Variants in MTHFD1L observed in about 807,000 individuals in gnomAD.
MTHFD1L encodes monofunctional C1-tetrahydrofolate synthase, mitochondrial.
In MTHFD1L, 81 loss-of-function variants were observed where a neutral mutation model predicts 119.5. The observed-to-expected ratio is 0.68, with a 90% CI of 0.57 to 0.82. The LOEUF (loss-of-function observed/expected upper bound fraction) is 0.82. Among genes scored for constraint, MTHFD1L ranks in the 40% least tolerant of loss-of-function variants. The probability of loss-of-function intolerance (pLI) is 0.00; values close to 1 mark genes in which losing one functional copy is unlikely to be tolerated. For missense variants in MTHFD1L, 1,125 were observed against 1,253.4 expected (o/e 0.90, Z 1.55); for synonymous variants, 430 against 475.2 (o/e 0.90, Z 1.24).
At chr6:151,050,651 C>A (rs1298059084) in intron 26 of MTHFD1L, among the ~76,000 whole-genome samples, 3 of 152,104 alleles carry the variant, frequency 2.0e-5, no homozygotes, top group Admixed American at 2.0e-4. Flanking sequence ...CCTGTGGGAT[C>A]TGACACTATC....
At chr6:150,966,494 A>G (rs1329272281) in intron 19 of MTHFD1L, among the ~76,000 whole-genome samples, 1 of 152,180 alleles carries the variant, frequency 6.6e-6, no homozygotes, top group African/African-American at 2.4e-5. Flanking sequence ...GGGTGGGGAC[A>G]CAGAGCCAAA....
intron 14 of MTHFD1L, 83 bp from the exon 15 acceptor site, chr6:150,945,384 G>C: frequency 2.7e-6 from 3 of 1,109,118 alleles, no homozygotes; most frequent in Non-Finnish European, 4.0e-6. Flanking sequence ...TAAATGCAAT[G>C]AATTTTTGTC....
intron 8 of MTHFD1L, among the ~76,000 whole-genome samples, chr6:150,910,587 A>C (rs1786717921): frequency 6.6e-6 from 1 of 152,058 alleles, no homozygotes; most frequent in South Asian, 2.1e-4. Flanking sequence ...TCTTAATTGC[A>C]TTGCACTTAC....
chr6:150,896,878 G>A (rs1784317266), intron 7 of MTHFD1L, among the ~76,000 whole-genome samples: 1 of 152,082 alleles, frequency 6.6e-6, no homozygotes, highest in Non-Finnish European at 1.5e-5. Flanking sequence ...GGAGGCCGAG[G>A]CAGGTGGATC....
At chr6:150,980,368 A>G (rs1777274151) in intron 20 of MTHFD1L, among the ~76,000 whole-genome samples, 1 of 151,704 alleles carries the variant, frequency 6.6e-6, no homozygotes, top group African/African-American at 2.4e-5. Flanking sequence ...CCCTTGTCCT[A>G]CCTCCCCTTT....
At chr6:150,974,097 G>A (rs1022862101) in intron 20 of MTHFD1L, among the ~76,000 whole-genome samples, 1 of 152,196 alleles carries the variant, frequency 6.6e-6, no homozygotes, top group African/African-American at 2.4e-5. Context: ...CAAAGGGCAA[G>A]CCCTAAGTCA....
chr6:150,927,942 C>T (rs1249844982), intron 11 of MTHFD1L, among the ~76,000 whole-genome samples: 1 of 152,090 alleles, frequency 6.6e-6, no homozygotes, highest in Admixed American at 6.5e-5. Flanking sequence ...ATAATTTGAA[C>T]ATAGAATAGG....
At chr6:151,001,908 A>G (rs1412579173) in intron 20 of MTHFD1L, among the ~76,000 whole-genome samples, 2 of 152,204 alleles carry the variant, frequency 1.3e-5, no homozygotes, top group Non-Finnish European at 2.9e-5. Context: ...TAAAAGAGAC[A>G]ACAAGCACTC....
At chr6:150,944,921 G>C (rs113201235) in intron 14 of MTHFD1L, among the ~76,000 whole-genome samples, 1 of 152,198 alleles carries the variant, frequency 6.6e-6, no homozygotes, top group Non-Finnish European at 1.5e-5. Context: ...TCTCTGATCT[G>C]TTCTAAGGGG....
At chr6:151,017,040 G>T (rs1783189893) in intron 24 of MTHFD1L, among the ~76,000 whole-genome samples, 1 of 151,562 alleles carries the variant, frequency 6.6e-6, no homozygotes, top group Admixed American at 6.6e-5. Context: ...CTCCCAGAGT[G>T]CTAGGGTTGC....
intron 20 of MTHFD1L, among the ~76,000 whole-genome samples, chr6:150,995,295 G>A (rs566205): frequency 0.54 from 81,367 of 151,896 alleles, 23,010 homozygotes; most frequent in African/African-American, 0.7. Flanking sequence ...CAGGCAGATC[G>A]CCTGAGGTCG....
chr6:151,002,064 T>C (rs955803855), intron 20 of MTHFD1L, among the ~76,000 whole-genome samples: 1 of 152,104 alleles, frequency 6.6e-6, no homozygotes, highest in Non-Finnish European at 1.5e-5. Flanking sequence ...TTCAGGAAAA[T>C]AATTTAGAGC....
At chr6:150,962,099 C>A (rs1391926819) in intron 18 of MTHFD1L, among the ~76,000 whole-genome samples, 1 of 152,128 alleles carries the variant, frequency 6.6e-6, no homozygotes, top group Non-Finnish European at 1.5e-5. Context: ...AAGTGATTCT[C>A]CTGCCTCAGC....
intron 20 of MTHFD1L, among the ~76,000 whole-genome samples, chr6:150,995,424 G>A (rs575874183): frequency 5.3e-5 from 8 of 150,378 alleles, no homozygotes; most frequent in Non-Finnish European, 1.0e-4. Context: ...TGAGGCAGGA[G>A]AATCACTTGA....
At position 151,051,488 on chromosome 6, in the gene MTHFD1L, C is replaced by T. The variant is rs377700106; in HGVS notation, c.2847+14371C>T. The stretch of plus-strand genomic sequence containing the variant: ...TCAGGGATAAGAGGTAGAGTTCTAG[C>T]GCTCTGTGGCTACTATGGTTTATGG... On this transcript the variant is annotated intron_variant, in intron 26 of 27. Coordinates refer to ENST00000367321, the MANE Select transcript of MTHFD1L (RefSeq NM_015440.5). Among the ~76,000 whole-genome samples the T allele has an allele frequency of 1.6e-4, 25 of 152,280 alleles. No homozygotes were observed. The East Asian group carries it at 2.5e-3, about 15-fold the overall frequency.
chr6:150,947,080 A>C (rs1794083727), intron 15 of MTHFD1L, among the ~76,000 whole-genome samples: 1 of 129,600 alleles, frequency 7.7e-6, no homozygotes, highest in Non-Finnish European at 1.8e-5. Flanking sequence ...ATCTCAAAAA[A>C]GAAAAAAAAA....
Position 151,039,926 on chromosome 6 carries a change from A to G in MTHFD1L, c.2847+2809A>G, listed in dbSNP as rs751419582. On this transcript the variant is annotated intron_variant, in intron 26 of 27. Transcript: ENST00000367321. The surrounding 1 kb of genome is among the most constrained non-coding windows in gnomAD (Gnocchi z 4.4). ...CAAGACTTCATCTCTAAATACATACATACATACATACATACATACATGCAT... is the reference window on the plus strand; with the variant it reads ...CAAGACTTCATCTCTAAATACATACGTACATACATACATACATACATGCAT... 8.2e-6 allele frequency among the ~76,000 whole-genome samples: 1 copy of G among 121,558 alleles called. No homozygotes were observed. The highest frequency in any genetic ancestry group is 1.7e-5 in the Non-Finnish European group (1 of 57,360). The allele number at this position is 121,558 out of a possible 152,430, so 79.7% of individuals were successfully genotyped here.
intron 26 of MTHFD1L, among the ~76,000 whole-genome samples, chr6:151,060,872 A>G (rs1790527926): frequency 1.3e-5 from 2 of 152,214 alleles, no homozygotes; most frequent in South Asian, 4.1e-4. Context: ...TCACTCAGGC[A>G]GCAGTCTGGA....
rs1562438265 is a variant in MTHFD1L, at chr6:150,949,134, G to A, written c.1726+1G>A. 6.2e-7 allele frequency: 1 copy of A among 1,613,748 alleles called. No individual in the cohort carries two copies. Among genetic ancestry groups the A allele is most frequent in the Non-Finnish European group, 8.5e-7 (1 of 1,179,802 alleles). On this transcript the variant is annotated splice_donor_variant, in intron 16 of 27. Coordinates refer to ENST00000367321, the MANE Select transcript of MTHFD1L (RefSeq NM_015440.5). LOFTEE classifies it high-confidence loss of function. ...CCATCTACCATCACGTGGCAGAGAG[G>A]TGGGTGCTGGGGAGATGCCAGCAGG... is the stretch of plus-strand genomic sequence containing the variant.
Sources: gnomAD v4.1 joint callset for allele counts (sites outside exome capture counted in the v4.1 genomes callset) on GRCh38, gnomAD v4.1.1 for gene constraint, Gnocchi (gnomAD v3.1) non-coding constraint, MANE v1.5 for transcripts, NCBI Gene and HGNC (gene_info 2026-07-23, HGNC 2026-07-21) for gene names.